Variants in SPAG16 observed in about 807,000 individuals in gnomAD.
SPAG16 encodes sperm-associated antigen 16 protein.
SPAG16 carries 86 observed loss-of-function variants against 80.4 expected under a neutral mutation model. The ratio of observed to expected loss-of-function variants is 1.07; its 90% confidence interval spans 0.90 to 1.28. The LOEUF is 1.28. SPAG16 is among the 50% of genes most tolerant of loss of function. SPAG16 has a pLI of 0.00. For synonymous variants in SPAG16, 294 were observed against 265.9 expected, an observed-to-expected ratio of 1.11 and a Z score of -1.03; for missense variants, 870 against 765.3, an observed-to-expected ratio of 1.14 and a Z score of -1.61.
chr2:214,393,621 G>A (rs1228023476), intron 15 of SPAG16, among the ~76,000 whole-genome samples: 1 of 151,880 alleles, frequency 6.6e-6, no homozygotes, highest in African/African-American at 2.4e-5. Context: ...AAATGTGTGT[G>A]TCATCTGTGC....
At chr2:213,572,638 C>T (rs2059956159) in intron 10 of SPAG16, among the ~76,000 whole-genome samples, 2 of 152,104 alleles carry the variant, frequency 1.3e-5, no homozygotes. Context: ...CTGCTCTCTT[C>T]AAAGCTGTCA....
chr2:214,025,422 A>C (rs1202685084), intron 13 of SPAG16, among the ~76,000 whole-genome samples: 1 of 151,694 alleles, frequency 6.6e-6, no homozygotes, highest in Non-Finnish European at 1.5e-5. Flanking sequence ...ACTAGGAATA[A>C]GCTTGTCACT....
At chr2:213,671,884 A>T (rs923086891) in intron 10 of SPAG16, among the ~76,000 whole-genome samples, 4 of 152,226 alleles carry the variant, frequency 2.6e-5, no homozygotes, top group Non-Finnish European at 5.9e-5. Flanking sequence ...AGGAATGATT[A>T]TACAGCAAAT....
At position 214,101,405 on chromosome 2, in the gene SPAG16, C is replaced by G. The variant is rs574103737; in HGVS notation, c.1528-6791C>G. Among the ~76,000 whole-genome samples, 6 of 152,130 alleles carry G rather than the reference C, an allele frequency of 3.9e-5. No individual in the cohort carries two copies. In the South Asian group the frequency reaches 1.0e-3, roughly 26 times the overall value. On this transcript the variant is annotated intron_variant, in intron 13 of 15. Coordinates refer to ENST00000331683, the MANE Select transcript of SPAG16 (RefSeq NM_024532.5). ...TCCAGGTGGATCTCTCAGCCATGAC[C>G]TTGAATGTTGTTTGTTTCTGCCAGA...
At chr2:214,338,786 CTATT>C (rs1457006069) in intron 15 of SPAG16, among the ~76,000 whole-genome samples, 3 of 152,182 alleles carry the variant, frequency 2.0e-5, no homozygotes, top group Non-Finnish European at 4.4e-5. Context: ...GAAATCCTAA[CTATT>C]TATGATTCTC....
intron 15 of SPAG16, among the ~76,000 whole-genome samples, chr2:214,198,785 T>C (rs1402236891): frequency 6.6e-6 from 1 of 152,140 alleles, no homozygotes; most frequent in African/African-American, 2.4e-5. Context: ...TTATTCTTAA[T>C]TATGGCCATT....
intron 13 of SPAG16, among the ~76,000 whole-genome samples, chr2:214,022,749 T>C (rs887310062): frequency 3.3e-5 from 5 of 152,016 alleles, no homozygotes; most frequent in African/African-American, 1.2e-4. Flanking sequence ...TGGTGTTTCT[T>C]CTAACTCAAG....
At chr2:213,567,048 G>A (rs2059793073) in intron 10 of SPAG16, among the ~76,000 whole-genome samples, 2 of 151,900 alleles carry the variant, frequency 1.3e-5, no homozygotes, top group Admixed American at 6.6e-5. Flanking sequence ...ATCTTGAGCT[G>A]TTGCCAGTGC....
chr2:213,325,707 G>A (rs2063813147), intron 5 of SPAG16, among the ~76,000 whole-genome samples: 1 of 151,580 alleles, frequency 6.6e-6, no homozygotes, highest in African/African-American at 2.4e-5. Flanking sequence ...TATTTACATA[G>A]CATATCTCTC....
intron 13 of SPAG16, among the ~76,000 whole-genome samples, chr2:214,030,383 T>C (rs1243601083): frequency 1.3e-5 from 2 of 152,158 alleles, no homozygotes; most frequent in African/African-American, 4.8e-5. Context: ...ATTACAGCAT[T>C]ATTCATAACA....
intron 15 of SPAG16, among the ~76,000 whole-genome samples, chr2:214,182,459 G>T (rs1226903557): frequency 6.6e-6 from 1 of 151,768 alleles, no homozygotes; most frequent in African/African-American, 2.4e-5. Flanking sequence ...AAAAGTAACA[G>T]CCAGTCTCAC....
intron 5 of SPAG16, among the ~76,000 whole-genome samples, chr2:213,323,437 T>A (rs2063709543): frequency 3.5e-5 from 1 of 28,512 alleles, no homozygotes; most frequent in Non-Finnish European, 5.9e-4. Flanking sequence ...CAAGACTCCG[T>A]CTCAAAAAAA....
chr2:213,443,947 TA>T (rs1482854709), intron 9 of SPAG16, among the ~76,000 whole-genome samples: 1 of 152,174 alleles, frequency 6.6e-6, no homozygotes, highest in African/African-American at 2.4e-5. Flanking sequence ...TCTATTAGGC[TA>T]TTTAAAAGCC....
intron 10 of SPAG16, among the ~76,000 whole-genome samples, chr2:213,640,234 C>A (rs975489423): frequency 4.6e-5 from 7 of 151,978 alleles, no homozygotes; most frequent in Middle Eastern, 3.2e-3. Flanking sequence ...CTTCTGAATT[C>A]TTTTTCTGAC....
At chr2:213,744,471 C>T (rs1045885895) in intron 10 of SPAG16, among the ~76,000 whole-genome samples, 1 of 151,868 alleles carries the variant, frequency 6.6e-6, no homozygotes, top group African/African-American at 2.4e-5. Context: ...TGTCTTTACT[C>T]TTTTTTTTGT....
chr2:214,041,978 G>GTATATGTATATATA (rs1553702112), intron 13 of SPAG16, among the ~76,000 whole-genome samples: 2 of 116,362 alleles, frequency 1.7e-5, no homozygotes, highest in African/African-American at 6.5e-5. Context: ...GTCTGTGTGT[G>GTATATGTATATATA]TATATATATA....
intron 13 of SPAG16, among the ~76,000 whole-genome samples, chr2:214,074,884 G>T (rs567281192): frequency 6.6e-6 from 1 of 151,990 alleles, no homozygotes; most frequent in Non-Finnish European, 1.5e-5. Flanking sequence ...AGCAGATAAC[G>T]CAAACTGTTA....
At chr2:214,275,619 A>G (rs1692406538) in intron 15 of SPAG16, among the ~76,000 whole-genome samples, 1 of 152,140 alleles carries the variant, frequency 6.6e-6, no homozygotes, top group Non-Finnish European at 1.5e-5. Context: ...GAGTTTCTTA[A>G]TCCTGAGTTC....
chr2:213,708,575 C>T (rs2065852236), intron 10 of SPAG16, among the ~76,000 whole-genome samples: 1 of 152,044 alleles, frequency 6.6e-6, no homozygotes, highest in South Asian at 2.1e-4. Context: ...GGGTGGATCA[C>T]AAGGTCAGGA....
Sources: gnomAD v4.1 joint callset for allele counts (sites outside exome capture counted in the v4.1 genomes callset) on GRCh38, gnomAD v4.1.1 for gene constraint, MANE v1.5 for transcripts, NCBI Gene and HGNC (gene_info 2026-07-23, HGNC 2026-07-21) for gene names.